Variants in FARS2 observed in about 807,000 individuals in gnomAD.
The protein encoded by FARS2 is phenylalanyl-tRNA synthetase 2, mitochondrial, also known as phenylalanine--tRNA ligase, mitochondrial.
In FARS2, 40 loss-of-function variants were observed where a neutral mutation model predicts 46.4. The ratio of observed to expected loss-of-function variants is 0.86; its 90% CI spans 0.67 to 1.12. The LOEUF is 1.12. Ranked by LOEUF, FARS2 falls within the 50% of genes most tolerant of loss-of-function variation. The probability of loss-of-function intolerance (pLI) is 0.00; values close to 1 mark genes in which losing one functional copy is unlikely to be tolerated. For synonymous variants in FARS2, 234 were observed against 214.9 expected, an observed-to-expected ratio of 1.09 and a Z score of -0.78; for missense variants, 513 against 567.9, an observed-to-expected ratio of 0.90 and a Z score of 0.98.
intron 1 of FARS2, among the ~76,000 whole-genome samples, chr6:5,354,999 G>A (rs937192142): frequency 1.2e-4 from 19 of 152,042 alleles, no homozygotes; most frequent in Non-Finnish European, 2.1e-4. Flanking sequence ...AACTACTGTT[G>A]TATTCAAAAT....
chr6:5,340,381 T>C (rs1771470834), intron 1 of FARS2, among the ~76,000 whole-genome samples: 1 of 152,218 alleles, frequency 6.6e-6, no homozygotes, highest in South Asian at 2.1e-4. Flanking sequence ...TTAGGTCAAG[T>C]AGAAAATTCT....
At chr6:5,377,692 A>T (rs907940983) in intron 2 of FARS2, among the ~76,000 whole-genome samples, 5 of 152,186 alleles carry the variant, frequency 3.3e-5, no homozygotes, top group African/African-American at 1.2e-4. Context: ...ACAGGAAAAT[A>T]AAAAATATAA....
In FARS2 at chr6:5,686,348, C is replaced by CG. The variant is rs998126079; in HGVS notation, c.1217+73028_1217+73029insG. ...GGTATATCTCCTAATGCTCTCCCCC[C>CG]CCGCTGCCCACACCACGCAACAGGC... is the stretch of plus-strand genomic sequence containing the variant. On this transcript the variant is annotated intron_variant, in intron 6 of 6. Transcript: ENST00000274680. 1.3e-4 allele frequency among the ~76,000 whole-genome samples: 20 copies of CG among 151,050 alleles called. 2 individuals carry two copies. The highest frequency in any genetic ancestry group is 4.7e-4 in the African/African-American group (19 of 40,484).
At chr6:5,730,064 A>T (rs1760521551) in intron 6 of FARS2, among the ~76,000 whole-genome samples, 1 of 152,204 alleles carries the variant, frequency 6.6e-6, no homozygotes, top group African/African-American at 2.4e-5. Flanking sequence ...GGTCTACAGG[A>T]ATCACACCAA....
At chr6:5,615,854 T>G (rs1013092055) in intron 6 of FARS2, among the ~76,000 whole-genome samples, 1 of 151,824 alleles carries the variant, frequency 6.6e-6, no homozygotes, top group Non-Finnish European at 1.5e-5. Flanking sequence ...GAAACCAACT[T>G]TCTTTAAACA....
intron 6 of FARS2, among the ~76,000 whole-genome samples, chr6:5,704,812 T>G (rs1758645477): frequency 6.6e-6 from 1 of 152,242 alleles, no homozygotes; most frequent in Non-Finnish European, 1.5e-5. Flanking sequence ...CGAACTTATT[T>G]GCACTGCAGA....
At chr6:5,381,287 G>A (rs1273466030) in intron 2 of FARS2, among the ~76,000 whole-genome samples, 3 of 151,646 alleles carry the variant, frequency 2.0e-5, no homozygotes, top group East Asian at 3.9e-4. Flanking sequence ...GTGAGCCACC[G>A]CGCCCGGCCT....
At chr6:5,396,923 C>T (rs966477426) in intron 2 of FARS2, among the ~76,000 whole-genome samples, 1 of 152,148 alleles carries the variant, frequency 6.6e-6, no homozygotes, top group Admixed American at 6.5e-5. Flanking sequence ...CACGTTTCCC[C>T]CTGATTTGAT....
At chr6:5,601,303 C>T (rs559477037) in intron 5 of FARS2, among the ~76,000 whole-genome samples, 4 of 152,150 alleles carry the variant, frequency 2.6e-5, no homozygotes, top group African/African-American at 7.2e-5. Flanking sequence ...AGGTGGATCA[C>T]CCAAGGTCGG....
chr6:5,296,373 C>T (rs1409779006), intron 1 of FARS2, among the ~76,000 whole-genome samples: 1 of 152,068 alleles, frequency 6.6e-6, no homozygotes, highest in Non-Finnish European at 1.5e-5. Context: ...GATCTCCTGA[C>T]CTCGTGATCC....
At chr6:5,392,531 T>C (rs988948291) in intron 2 of FARS2, among the ~76,000 whole-genome samples, 1 of 152,040 alleles carries the variant, frequency 6.6e-6, no homozygotes, top group African/African-American at 2.4e-5. Context: ...AGGAGAGTTA[T>C]ATATTTTTCT....
intron 2 of FARS2, among the ~76,000 whole-genome samples, chr6:5,401,961 G>A (rs1456499649): frequency 6.6e-6 from 1 of 151,804 alleles, no homozygotes; most frequent in Non-Finnish European, 1.5e-5. Flanking sequence ...CTTTTTCACA[G>A]GTACCCATTT....
At chr6:5,326,343 T>C (rs1033132314) in intron 1 of FARS2, among the ~76,000 whole-genome samples, 4 of 152,168 alleles carry the variant, frequency 2.6e-5, no homozygotes, top group African/African-American at 9.7e-5. Context: ...AGTCACAGAT[T>C]CTAGTGCAGG....
intron 4 of FARS2, among the ~76,000 whole-genome samples, chr6:5,531,265 C>A (rs1769811452): frequency 6.6e-6 from 1 of 152,158 alleles, no homozygotes; most frequent in African/African-American, 2.4e-5. Context: ...GGGGGTGGTG[C>A]ATCACTGTCC....
intron 6 of FARS2, among the ~76,000 whole-genome samples, chr6:5,647,747 T>A (rs540797426): frequency 1.2e-4 from 19 of 152,320 alleles, no homozygotes; most frequent in African/African-American, 3.6e-4. Context: ...ACAGGTTAAA[T>A]GCAAACACAT....
In FARS2 at chr6:5,456,682, G is replaced by A. The variant is rs565812826; in HGVS notation, c.904+25510G>A. 3.0e-4 allele frequency among the ~76,000 whole-genome samples: 35 copies of A among 117,392 alleles called. 1 individual carries two copies. The South Asian group carries it at 3.2e-3, about 11-fold the overall frequency. 77.0% of individuals were successfully genotyped at this position (117,392 alleles called of 152,430 possible). A position where few individuals can be genotyped will look rare whatever the true frequency, so the allele number is the denominator to read the frequency against. On this transcript the variant is annotated intron_variant, in intron 4 of 6. Transcript: ENST00000274680. ...GGAGGCGGAGGTTGCAGTGAGCCGA[G>A]ATGGCATTATTGCACTCCAGCCTGG...
chr6:5,589,059 C>T (rs1460982475), intron 5 of FARS2, among the ~76,000 whole-genome samples: 1 of 152,162 alleles, frequency 6.6e-6, no homozygotes, highest in Non-Finnish European at 1.5e-5. Flanking sequence ...GTCCCAGCTC[C>T]ACGGTGATGG....
intron 1 of FARS2, among the ~76,000 whole-genome samples, chr6:5,314,446 C>T (rs1769304770): frequency 6.6e-6 from 1 of 152,140 alleles, no homozygotes; most frequent in Admixed American, 6.5e-5. Flanking sequence ...AGGGGTCATT[C>T]TACCAGACCT....
chr6:5,470,105 C>G (rs1765729241), intron 4 of FARS2, among the ~76,000 whole-genome samples: 1 of 152,186 alleles, frequency 6.6e-6, no homozygotes, highest in African/African-American at 2.4e-5. Context: ...GTTCACAACA[C>G]CATTCCAAAA....
Sources: gnomAD v4.1 joint callset for allele counts (sites outside exome capture counted in the v4.1 genomes callset) on GRCh38, gnomAD v4.1.1 for gene constraint, MANE v1.5 for transcripts, NCBI Gene and HGNC (gene_info 2026-07-23, HGNC 2026-07-21) for gene names.